The following MROH2B variants were observed in gnomAD, a reference collection of about 807,000 sequenced individuals.
MROH2B encodes the protein maestro heat like repeat family member 2B, also known as maestro heat-like repeat-containing protein family member 2B.
Under a neutral mutation model 208.6 loss-of-function variants are expected in MROH2B, and 177 were observed. The ratio of observed to expected loss-of-function variants is 0.85; its 90% confidence interval spans 0.75 to 0.96. The LOEUF is 0.96. MROH2B is among the 40% of genes least tolerant of loss of function. The pLI, the probability that MROH2B is intolerant of heterozygous loss-of-function variation, is 0.00. For synonymous variants in MROH2B, 728 were observed against 659.0 expected (o/e 1.10, Z -1.60); for missense variants, 2,002 against 1,878.7 (o/e 1.07, Z -1.21).
At chr5:41,034,942 C>A (rs1339067069) in intron 21 of MROH2B, among the ~76,000 whole-genome samples, 3 of 152,030 alleles carry the variant, frequency 2.0e-5, no homozygotes, top group Non-Finnish European at 4.4e-5. Flanking sequence ...TGAAAGAAAT[C>A]AGAGATGACA....
At chr5:41,026,899 C>T (rs1742382577) in intron 24 of MROH2B, among the ~76,000 whole-genome samples, 1 of 152,198 alleles carries the variant, frequency 6.6e-6, no homozygotes, top group African/African-American at 2.4e-5. Context: ...TTAGAACCAT[C>T]TGATCTTTGA....
In MROH2B at chr5:41,055,797, A is replaced by AT. The variant is rs1579954155; in HGVS notation, c.977dup (p.Asn326LysfsTer2). ...TCAAGATTCCCACTCGAATGGCTTC[A>AT]TTATTACTTCTTACTTGTTCATCAA... On this transcript the variant is annotated frameshift_variant, in exon 10 of 42. Coordinates refer to ENST00000399564, the MANE Select transcript of MROH2B (RefSeq NM_173489.5). LOFTEE classifies it high-confidence loss of function. 20 of 1,613,900 alleles carry AT rather than the reference A, an allele frequency of 1.2e-5. No homozygotes were observed. Among genetic ancestry groups the AT allele is most frequent in the Non-Finnish European group, 1.4e-5 (16 of 1,179,842 alleles).
chr5:41,006,604 G>A (rs1741601319), intron 34 of MROH2B, among the ~76,000 whole-genome samples: 1 of 152,146 alleles, frequency 6.6e-6, no homozygotes, highest in African/African-American at 2.4e-5. Flanking sequence ...ATTAATCAAT[G>A]AGTGGATAAA....
chr5:41,025,663 G>A (rs1357562354), intron 24 of MROH2B, among the ~76,000 whole-genome samples: 2 of 152,114 alleles, frequency 1.3e-5, no homozygotes, highest in African/African-American at 4.8e-5. Flanking sequence ...GAAAAAGAGG[G>A]AATCCTCCCT....
At chr5:41,055,904 A>G in intron 9 of MROH2B, 49 bp from the exon 10 acceptor site, 1 of 1,326,826 alleles carries the variant, frequency 7.5e-7, no homozygotes, top group Non-Finnish European at 1.1e-6. Flanking sequence ...CATCCTAGGT[A>G]AAATACTTGT....
intron 5 of MROH2B, among the ~76,000 whole-genome samples, chr5:41,063,308 C>T (rs1743697130): frequency 6.6e-6 from 1 of 152,142 alleles, no homozygotes; most frequent in Non-Finnish European, 1.5e-5. Context: ...AGTATAGCTG[C>T]ACAGGTCCTT....
intron 24 of MROH2B, among the ~76,000 whole-genome samples, chr5:41,030,677 G>A (rs1742537057): frequency 6.6e-6 from 1 of 151,916 alleles, no homozygotes; most frequent in Non-Finnish European, 1.5e-5. Flanking sequence ...GCAATAGTAA[G>A]AAAAAAGAAC....
At chr5:41,039,791 G>A (rs1742885834) in intron 19 of MROH2B, among the ~76,000 whole-genome samples, 1 of 152,156 alleles carries the variant, frequency 6.6e-6, no homozygotes, top group South Asian at 2.1e-4. Flanking sequence ...TATACAGTGT[G>A]CCAGATGGTG....
Position 41,038,766 on chromosome 5 carries a change from T to G in MROH2B, c.2184A>C (p.Gln728His). Residue 728 changes from glutamine (Q) to histidine (H), a missense_variant, in exon 21 of 42, where the codon CAA becomes CAC. Gln to His is a conservative substitution (Grantham distance 24, BLOSUM62 0). Coordinates refer to ENST00000399564, the MANE Select transcript of MROH2B (RefSeq NM_173489.5). Reference protein sequence around the residue: ...LSRLNQDIISQVLSLHGQCSQ... With the variant: ...LSRLNQDIISHVLSLHGQCSQ... ...AGCACTGGCCATGAAGAGACAGGAC[T>G]TGGGATATGATATCTTGATTAAGTC... The G allele has an allele frequency of 6.2e-7, 1 of 1,613,240 alleles. No individual in the cohort carries two copies. The highest frequency in any genetic ancestry group is 8.5e-7 in the Non-Finnish European group (1 of 1,179,560).
In MROH2B at chr5:41,015,471, G is replaced by C; in HGVS notation, c.2892C>G (p.His964Gln). Residue 964 changes from histidine (H) to glutamine (Q), a missense_variant, in exon 29 of 42, where the codon CAC (histidine) becomes CAG (glutamine). By Grantham distance (24) the His-to-Gln change is conservative. Transcript: ENST00000399564. ...TIGLFYIKGI[H>Q]LEVERLQGLQ... Reference sequence around the variant, plus strand: ...AACCCTGCAGTCTTTCCACTTCCAAGTGAATGCCTAAAATCAACAAAGTGA... The same window carrying C: ...AACCCTGCAGTCTTTCCACTTCCAACTGAATGCCTAAAATCAACAAAGTGA... The C allele has an allele frequency of 1.2e-6, 2 of 1,613,334 alleles. No individual in the cohort carries two copies. The highest frequency in any genetic ancestry group is 1.7e-6 in the Non-Finnish European group (2 of 1,179,560).
intron 12 of MROH2B, among the ~76,000 whole-genome samples, chr5:41,052,052 T>C (rs924142101): frequency 4.6e-5 from 7 of 152,192 alleles, no homozygotes; most frequent in African/African-American, 1.7e-4. Context: ...AAGACACCGT[T>C]GCAGCAAGAA....
chr5:41,026,825 C>G (rs1325098856), intron 24 of MROH2B, among the ~76,000 whole-genome samples: 1 of 152,068 alleles, frequency 6.6e-6, no homozygotes, highest in Non-Finnish European at 1.5e-5. Context: ...GCATGGTACT[C>G]ATGCCAAAAC....
At chr5:40,999,802 A>G in intron 39 of MROH2B, 23 bp from the exon 40 acceptor site, 1 of 1,602,450 alleles carries the variant, frequency 6.2e-7, no homozygotes, top group Middle Eastern at 1.7e-4. Flanking sequence ...TGAATTTCAA[A>G]GAGGGCAACT....
chr5:41,057,563 C>CTTTTTGTTTTTTTTTTTTTTTTTTT (rs1743498644), intron 7 of MROH2B, among the ~76,000 whole-genome samples: 1 of 73,252 alleles, frequency 1.4e-5, no homozygotes, highest in Non-Finnish European at 2.4e-5. Flanking sequence ...AATATCCCTC[C>CTTTTTGTTTTTTTTTTTTTTTTTTT]TTTTTTTTTT....
chr5:41,061,343 T>A lies in MROH2B; in HGVS notation c.615+227A>T, dbSNP rs1420574426. ...TTTAATTCCTGCTACAACCTCGGCATCTGGAATAGTGTCTGGCATGTCATG... is the reference window on the plus strand; with the variant it reads ...TTTAATTCCTGCTACAACCTCGGCAACTGGAATAGTGTCTGGCATGTCATG... On this transcript the variant is annotated intron_variant, in intron 6 of 41. Transcript: ENST00000399564. Among the ~76,000 whole-genome samples, 6 of 152,310 alleles carry A rather than the reference T, an allele frequency of 3.9e-5. No individual in the cohort carries two copies. In the South Asian group the frequency reaches 6.2e-4, roughly 16 times the overall value.
chr5:41,020,954 G>A (rs1561283479), intron 24 of MROH2B, among the ~76,000 whole-genome samples: 1 of 152,070 alleles, frequency 6.6e-6, no homozygotes, highest in African/African-American at 2.4e-5. Flanking sequence ...GAGCAATTAG[G>A]CAAGGAAAAA....
In MROH2B at chr5:41,047,602, C is replaced by T. The variant is rs1006274131; in HGVS notation, c.1728+119G>A. 5 of 920,142 alleles carry T rather than the reference C, an allele frequency of 5.4e-6. No individual in the cohort carries two copies. In the African/African-American group the frequency reaches 6.8e-5, roughly 12 times the overall value. 57.0% of individuals were successfully genotyped at this position (920,142 alleles called of 1,614,324 possible). A position where few individuals can be genotyped will look rare whatever the true frequency, so the allele number is the denominator to read the frequency against. ...CACTTCTAACATTCTAATTCTTTTC[C>T]AAAGAAAGGAAAAGGTTGTTTATTA... is the stretch of plus-strand genomic sequence containing the variant. On this transcript the variant is annotated intron_variant, in intron 17 of 41. Transcript: ENST00000399564.
chr5:41,066,729 G>A (rs1371259320), intron 3 of MROH2B, among the ~76,000 whole-genome samples: 1 of 151,988 alleles, frequency 6.6e-6, no homozygotes, highest in African/African-American at 2.4e-5. Context: ...TTTTTGCTAT[G>A]TTGTCTATCA....
chr5:41,048,211 T>G, intron 16 of MROH2B, 113 bp downstream of exon 16: 2 of 1,301,334 alleles, frequency 1.5e-6, no homozygotes, highest in Non-Finnish European at 2.0e-6. Context: ...GCATATCAAG[T>G]TCATCATTTT....
Sources: allele counts gnomAD v4.1 joint callset (sites outside exome capture counted in the v4.1 genomes callset), GRCh38; gene constraint gnomAD v4.1.1; transcripts MANE v1.5; gene names NCBI Gene and HGNC (gene_info 2026-07-23, HGNC 2026-07-21).